CDH4: variants seen among roughly 807,000 people sequenced by gnomAD.
The protein encoded by CDH4 is cadherin 4.
Under a neutral mutation model 86.0 loss-of-function variants are expected in CDH4, and 33 were observed. The observed-to-expected ratio is 0.38, with a 90% CI of 0.29 to 0.51. CDH4 has a LOEUF of 0.51. Ranked by LOEUF, CDH4 falls within the 20% of genes least tolerant of loss-of-function variation. The pLI is 0.86. For missense variants in CDH4, 1,114 were observed against 1,307.4 expected (o/e 0.85, Z 2.28); for synonymous variants, 555 against 549.4 (o/e 1.01, Z -0.14).
At chr20:61,359,595 C>T (rs2084773028) in intron 2 of CDH4, among the ~76,000 whole-genome samples, 1 of 152,236 alleles carries the variant, frequency 6.6e-6, no homozygotes, top group African/African-American at 2.4e-5. Context: ...CCCGGCCTGG[C>T]AACCCCTCGG....
intron 2 of CDH4, among the ~76,000 whole-genome samples, chr20:61,565,106 G>C (rs1365630168): frequency 7.5e-6 from 1 of 132,818 alleles, no homozygotes; most frequent in Non-Finnish European, 1.7e-5. Flanking sequence ...TGGTGCTCTT[G>C]GTGGTGCTGG....
At chr20:61,925,287 G>T (rs1187527869) in intron 11 of CDH4, among the ~76,000 whole-genome samples, 1 of 152,204 alleles carries the variant, frequency 6.6e-6, no homozygotes, top group Non-Finnish European at 1.5e-5. Context: ...CCCCCCACGG[G>T]TCGCACGCTC....
At chr20:61,325,543 TTTCATCA>T (rs546228113) in intron 2 of CDH4, among the ~76,000 whole-genome samples, 24 of 151,892 alleles carry the variant, frequency 1.6e-4, no homozygotes, top group Admixed American at 3.3e-4. Flanking sequence ...TAAGTGGCCT[TTTCATCA>T]GGTGGGGGTC....
chr20:61,393,871 A>AT lies in CDH4; in HGVS notation c.169+138935dup, dbSNP rs1241981536. On this transcript the variant is annotated intron_variant, in intron 2 of 15. Transcript: ENST00000614565. The surrounding 1 kb of genome is among the most constrained non-coding windows in gnomAD (Gnocchi z 4.3). ...CCATGGGCTTCTCCTCTTCTGTAAA[A>AT]TGGGTCTGTAACGCCCCTGGAAAAG... Among the ~76,000 whole-genome samples, 1 of 152,024 alleles carries AT rather than the reference A, an allele frequency of 6.6e-6. No individual in the cohort carries two copies. Among genetic ancestry groups the AT allele is most frequent in the Non-Finnish European group, 1.5e-5 (1 of 68,000 alleles).
intron 2 of CDH4, among the ~76,000 whole-genome samples, chr20:61,695,853 A>G (rs972326949): frequency 2.6e-5 from 4 of 152,144 alleles, no homozygotes; most frequent in African/African-American, 4.8e-5. Context: ...TGCCCCAGTG[A>G]CTTGGCCGCC....
At chr20:61,310,663 C>T (rs533234406) in intron 2 of CDH4, among the ~76,000 whole-genome samples, 7 of 152,092 alleles carry the variant, frequency 4.6e-5, no homozygotes, top group South Asian at 2.1e-4. Flanking sequence ...GTTGGGTACC[C>T]GCAGCTTAAA....
At chr20:61,539,693 G>C (rs138688872) in intron 2 of CDH4, among the ~76,000 whole-genome samples, 67 of 152,332 alleles carry the variant, frequency 4.4e-4, no homozygotes, top group Admixed American at 1.8e-3. Flanking sequence ...GTCTGCCCTG[G>C]GCAGTGGTCC....
chr20:61,460,034 A>G (rs906735022), intron 2 of CDH4, among the ~76,000 whole-genome samples: 6 of 152,162 alleles, frequency 3.9e-5, no homozygotes, highest in African/African-American at 9.7e-5. Flanking sequence ...AGGCCCAAGC[A>G]GAGGCTGACA....
At chr20:61,300,527 C>T (rs936480621) in intron 2 of CDH4, among the ~76,000 whole-genome samples, 1 of 152,136 alleles carries the variant, frequency 6.6e-6, no homozygotes, top group African/African-American at 2.4e-5. Context: ...CTTGCTCATC[C>T]CCCGTCTGCC....
intron 2 of CDH4, among the ~76,000 whole-genome samples, chr20:61,629,776 C>T (rs774875228): frequency 2.6e-4 from 39 of 152,164 alleles, no homozygotes; most frequent in Non-Finnish European, 5.0e-4. Flanking sequence ...GGAAGGTGCT[C>T]GGTGCCCAGC....
intron 2 of CDH4, among the ~76,000 whole-genome samples, chr20:61,459,062 G>C (rs1418507566): frequency 6.6e-6 from 1 of 151,242 alleles, no homozygotes; most frequent in Non-Finnish European, 1.5e-5. Context: ...CCCCCTGGCT[G>C]TCTCCTTTTT....
intron 2 of CDH4, among the ~76,000 whole-genome samples, chr20:61,606,683 G>C (rs1229847589): frequency 6.6e-6 from 1 of 152,260 alleles, no homozygotes; most frequent in Non-Finnish European, 1.5e-5. Flanking sequence ...CAGTTGTGTA[G>C]ATTGGAGGCC....
intron 2 of CDH4, among the ~76,000 whole-genome samples, chr20:61,696,465 GCCAGCTGTGTACTGAGCA>G (rs1178792550): frequency 8.5e-5 from 13 of 152,220 alleles, no homozygotes; most frequent in African/African-American, 2.2e-4. Flanking sequence ...CTGGCTGAGC[GCCAGCTGTGTACTGAGCA>G]CCAGCTGTGT....
intron 2 of CDH4, among the ~76,000 whole-genome samples, chr20:61,584,813 G>A (rs1301490927): frequency 6.6e-6 from 1 of 152,176 alleles, no homozygotes; most frequent in African/African-American, 2.4e-5. Context: ...TGACAGCTGC[G>A]AGGCTAACGC....
chr20:61,643,210 G>C (rs968608291), intron 2 of CDH4, among the ~76,000 whole-genome samples: 3 of 152,302 alleles, frequency 2.0e-5, no homozygotes, highest in South Asian at 2.1e-4. Context: ...AGGGAGGGGG[G>C]GTGTAGAGAG....
At chr20:61,610,674 G>T (rs2086678431) in intron 2 of CDH4, among the ~76,000 whole-genome samples, 1 of 152,146 alleles carries the variant, frequency 6.6e-6, no homozygotes, top group East Asian at 1.9e-4. Context: ...TTTCTGTTGG[G>T]TGAGGTCATA....
At chr20:61,557,593 G>A (rs571953225) in intron 2 of CDH4, among the ~76,000 whole-genome samples, 2 of 152,314 alleles carry the variant, frequency 1.3e-5, no homozygotes, top group Admixed American at 6.5e-5. Context: ...TTAGAGGAAT[G>A]AGAAGAGATA....
intron 3 of CDH4, among the ~76,000 whole-genome samples, chr20:61,748,996 C>T (rs1357637435): frequency 5.2e-5 from 4 of 76,868 alleles, no homozygotes; most frequent in Non-Finnish European, 7.6e-5. Context: ...AAAAGATATA[C>T]CTAAAAGGTA....
chr20:61,772,950 G>A, intron 3 of CDH4, 53 bp from the exon 4 acceptor site: 1 of 1,535,208 alleles, frequency 6.5e-7, no homozygotes, highest in Non-Finnish European at 8.9e-7. Context: ...ATTTTCCTCT[G>A]TGCAAAACCT....
Sources: allele counts gnomAD v4.1 joint callset (sites outside exome capture counted in the v4.1 genomes callset), GRCh38; gene constraint gnomAD v4.1.1; non-coding constraint Gnocchi (gnomAD v3.1); transcripts MANE v1.5; gene names NCBI Gene and HGNC (gene_info 2026-07-23, HGNC 2026-07-21).